The following CUBN variants were observed in gnomAD, a reference collection of about 807,000 sequenced individuals.
CUBN encodes the protein cubilin.
Under a neutral mutation model 405.3 loss-of-function variants are expected in CUBN, and 282 were observed. That is an observed-to-expected ratio of 0.70 (90% CI 0.63 to 0.77). CUBN has a LOEUF of 0.77. Ranked by LOEUF, CUBN falls within the 30% of genes least tolerant of loss-of-function variation. CUBN has a pLI of 0.00. For synonymous variants in CUBN, 1,684 were observed against 1,617.0 expected, an observed-to-expected ratio of 1.04 and a Z score of -0.99; for missense variants, 4,514 against 4,475.2, an observed-to-expected ratio of 1.01 and a Z score of -0.25.
rs765554733 is a variant in CUBN at position 17,127,879 on chromosome 10, T to C, written c.298A>G (p.Ile100Val). The C allele has an allele frequency of 8.1e-6, 13 of 1,612,948 alleles. No homozygotes were observed. Among genetic ancestry groups the C allele is most frequent in the East Asian group, 2.2e-5 (1 of 44,866 alleles). Residue 100 changes from isoleucine to valine, a missense_variant, in exon 3 of 67, where the codon ATT becomes GTT. By Grantham distance (29) the Ile-to-Val change is conservative. Coordinates refer to ENST00000377833, the MANE Select transcript of CUBN (RefSeq NM_001081.4). ...EDIIELKGSA[I>V]GLPQNISSQI... ...CTAGATATATTTTGAGGCAGACCAA[T>C]TGCACTCCCTTTTAACTCTATAATA...
chr10:17,000,942 C>A (rs1338327993), intron 28 of CUBN, among the ~76,000 whole-genome samples: 1 of 152,178 alleles, frequency 6.6e-6, no homozygotes, highest in Admixed American at 6.5e-5. Flanking sequence ...AAGCCACGGA[C>A]CTGAACAGTG....
chr10:16,904,234 G>C (rs1841493324), intron 50 of CUBN, 119 bp from the exon 51 acceptor site: 1 of 951,666 alleles, frequency 1.1e-6, no homozygotes, highest in Admixed American at 1.8e-5. Context: ...TTCTGATTTA[G>C]TAGCAGACAT....
chr10:17,067,801 A>G (rs1835645569), intron 21 of CUBN, among the ~76,000 whole-genome samples: 1 of 152,146 alleles, frequency 6.6e-6, no homozygotes, highest in African/African-American at 2.4e-5. Context: ...GCAAGGAATT[A>G]TAACGGAAAG....
chr10:17,019,533 T>C (rs1268970201), intron 28 of CUBN, among the ~76,000 whole-genome samples: 1 of 152,136 alleles, frequency 6.6e-6, no homozygotes, highest in Non-Finnish European at 1.5e-5. Context: ...TATACCCAGG[T>C]TCAACTCTTC....
Position 16,831,273 on chromosome 10 carries a change from T to G in CUBN, c.10507A>C (p.Ile3503Leu). The G allele has an allele frequency of 6.2e-7, 1 of 1,614,082 alleles. No individual in the cohort carries two copies. Among genetic ancestry groups the G allele is most frequent in the Non-Finnish European group, 8.5e-7 (1 of 1,179,916 alleles). Reference protein sequence around the residue: ...SVTSDRGYEIIWTSSPSGCGG... With the variant: ...SVTSDRGYEILWTSSPSGCGG... ...TTACCAGAGGGTGATGAAGTCCAGA[T>G]GATTTCATATCCACGATCAGAAGTT... The change falls in exon 65 of 67, where the codon ATC becomes CTC. Residue 3503 changes from isoleucine to leucine, a missense_variant. Physicochemically the swap from Ile to Leu is conservative, Grantham distance 5. Around this residue, in one of 5 missense-constraint regions of CUBN, gnomAD observed 1,186 missense variants for 1,186.9 expected, o/e 1.00. Coordinates refer to ENST00000377833, the MANE Select transcript of CUBN (RefSeq NM_001081.4).
At chr10:16,948,384 C>T in intron 35 of CUBN, 94 bp downstream of exon 35, 4 of 1,562,870 alleles carry the variant, frequency 2.6e-6, no homozygotes, top group South Asian at 1.1e-5. Context: ...AGGAAACTGG[C>T]TCCCAACTAC....
At chr10:17,017,699 A>T (rs1267008774) in intron 28 of CUBN, among the ~76,000 whole-genome samples, 1 of 152,180 alleles carries the variant, frequency 6.6e-6, no homozygotes, top group African/African-American at 2.4e-5. Flanking sequence ...TTGGGCAAAG[A>T]TTATGTCTTT....
chr10:16,969,915 G>A (rs1843504572), intron 31 of CUBN, among the ~76,000 whole-genome samples: 1 of 152,176 alleles, frequency 6.6e-6, no homozygotes, highest in African/African-American at 2.4e-5. Flanking sequence ...CACCACTGAC[G>A]TCACTGGGCC....
chr10:16,972,612 A>AT (rs1832966880), intron 31 of CUBN, among the ~76,000 whole-genome samples: 1 of 151,670 alleles, frequency 6.6e-6, no homozygotes, highest in Non-Finnish European at 1.5e-5. Context: ...TAATTTTTTA[A>AT]TTTTTTTGCA....
In CUBN at chr10:17,105,312, A is replaced by G. The variant is rs568206912; in HGVS notation, c.1230+145T>C. 14 of 723,548 alleles carry G rather than the reference A, an allele frequency of 1.9e-5. No homozygotes were observed. The East Asian group carries it at 2.6e-4, about 13-fold the overall frequency. 44.8% of individuals were successfully genotyped at this position (723,548 alleles called of 1,614,324 possible). A position where few individuals can be genotyped will look rare whatever the true frequency, so the allele number is the denominator to read the frequency against. On this transcript the variant is annotated intron_variant, in intron 11 of 66. Coordinates refer to ENST00000377833, the MANE Select transcript of CUBN (RefSeq NM_001081.4). The stretch of plus-strand genomic sequence containing the variant: ...TTCCTAAGAACTAAAATCATTATCT[A>G]TCTTTCATCTGAGAGTTCTCGACAG...
intron 22 of CUBN, among the ~76,000 whole-genome samples, chr10:17,053,657 C>T (rs1194657727): frequency 6.6e-6 from 1 of 151,928 alleles, no homozygotes; most frequent in Non-Finnish European, 1.5e-5. Flanking sequence ...CTCTCAGTAA[C>T]CGAAAATGAA....
rs528199134 is a variant in CUBN at position 17,020,457 on chromosome 10, T to C, written c.4018-474A>G. ...CATGCAATGTATAATAATCACATCA[T>C]AGAAAATGGGGTAGCCATCCCTTCA... On this transcript the variant is annotated intron_variant, in intron 27 of 66. Coordinates refer to ENST00000377833, the MANE Select transcript of CUBN (RefSeq NM_001081.4). Among the ~76,000 whole-genome samples, 6 of 152,312 alleles carry C rather than the reference T, an allele frequency of 3.9e-5. No individual in the cohort carries two copies. The South Asian group carries it at 1.2e-3, about 32-fold the overall frequency.
chr10:16,968,234 G>A (rs751775430), intron 31 of CUBN, among the ~76,000 whole-genome samples: 20 of 152,060 alleles, frequency 1.3e-4, no homozygotes, highest in Non-Finnish European at 2.2e-4. Context: ...AGGATGCTGC[G>A]TTAGGTATCT....
chr10:17,006,822 A>G (rs908319417), intron 28 of CUBN, among the ~76,000 whole-genome samples: 2 of 152,088 alleles, frequency 1.3e-5, no homozygotes, highest in African/African-American at 4.8e-5. Context: ...AAATCTCCTT[A>G]ATAGCTAAAA....
chr10:17,067,152 A>T (rs1350447817), intron 21 of CUBN, among the ~76,000 whole-genome samples: 2 of 152,142 alleles, frequency 1.3e-5, no homozygotes, highest in Non-Finnish European at 2.9e-5. Context: ...GTGGGAAAGT[A>T]TAACTCAGAA....
intron 27 of CUBN, 141 bp downstream of exon 27, chr10:17,040,892 C>T (rs1329687355): frequency 1.4e-6 from 1 of 734,616 alleles, no homozygotes. Flanking sequence ...TATACCTGTT[C>T]AAATACCATG....
chr10:17,097,371 T>C (rs899644037), intron 14 of CUBN, among the ~76,000 whole-genome samples: 7 of 152,108 alleles, frequency 4.6e-5, no homozygotes, highest in Non-Finnish European at 8.8e-5. Context: ...ATGTAAACTC[T>C]GAATAGATCT....
At chr10:16,907,363 A>G in intron 49 of CUBN, 145 bp downstream of exon 49, 1 of 809,688 alleles carries the variant, frequency 1.2e-6, no homozygotes, top group Non-Finnish European at 2.0e-6. Context: ...TGCGTTTTTC[A>G]TCTGCTTATG....
chr10:16,900,170 C>G (rs373046025), intron 53 of CUBN, among the ~76,000 whole-genome samples: 3 of 152,330 alleles, frequency 2.0e-5, no homozygotes, highest in African/African-American at 7.2e-5. Flanking sequence ...AACCAAGGCT[C>G]TTTATGTTGT....
Sources: gnomAD v4.1 joint callset for allele counts (sites outside exome capture counted in the v4.1 genomes callset) on GRCh38, gnomAD v4.1.1 for gene constraint, gnomAD v4.1.1 regional missense constraint, MANE v1.5 for transcripts, NCBI Gene and HGNC (gene_info 2026-07-23, HGNC 2026-07-21) for gene names.